CEP120: variants seen among roughly 807,000 people sequenced by gnomAD.
CEP120 encodes the protein centrosomal protein 120.
A neutral mutation model predicts 126.5 loss-of-function variants in CEP120; 113 were observed. The observed-to-expected ratio is 0.89, with a 90% CI of 0.77 to 1.04. The LOEUF (loss-of-function observed/expected upper bound fraction) is 1.04. Ranked by LOEUF, CEP120 falls within the 50% of genes least tolerant of loss-of-function variation. The pLI is 0.00. For synonymous variants in CEP120, 400 were observed against 394.3 expected (o/e 1.01, Z -0.17); for missense variants, 1,230 against 1,155.7 (o/e 1.06, Z -0.93).
intron 4 of CEP120, chr5:123,402,259 GC>G: frequency 6.7e-7 from 1 of 1,488,774 alleles, no homozygotes. Context: ...TGGGCACCGG[GC>G]CCACTTGTGT....
intron 3 of CEP120, among the ~76,000 whole-genome samples, chr5:123,415,320 A>C (rs1441680493): frequency 6.6e-6 from 1 of 152,182 alleles, no homozygotes; most frequent in African/African-American, 2.4e-5. Flanking sequence ...GAAAAGGAAA[A>C]ATGTCAAGGA....
In CEP120 at chr5:123,391,256, T is replaced by C. The variant is rs1346560152; in HGVS notation, c.892A>G (p.Ile298Val). The C allele has an allele frequency of 1.9e-6, 3 of 1,614,192 alleles. No individual in the cohort carries two copies. Among genetic ancestry groups the C allele is most frequent in the East Asian group, 2.2e-5 (1 of 44,876 alleles). ...TCGACTGTGACTGGGTGCTGGTTGATTTCTGTACTGCCCTTTTTAAGTAAT... is the reference window on the plus strand; with the variant it reads ...TCGACTGTGACTGGGTGCTGGTTGACTTCTGTACTGCCCTTTTTAAGTAAT... ...TGLLKKGSTE[I>V]NQHPVTVEGA... is the part of the protein sequence containing the mutation. The change falls in exon 7 of 20, where the codon ATC becomes GTC. Residue 298 changes from isoleucine (I) to valine (V), a missense_variant. Ile to Val is a conservative substitution (Grantham distance 29). Transcript: ENST00000306467.
In CEP120 at chr5:123,364,497, T is replaced by C. The variant is rs28369320; in HGVS notation, c.2579A>G (p.Gln860Arg). The C allele has an allele frequency of 6.3e-7, 1 of 1,595,310 alleles. No individual in the cohort carries two copies. The highest frequency in any genetic ancestry group is 1.1e-5 in the South Asian group (1 of 89,846). ...AAGAATAAGCTATAAACTACATACC[T>C]GTTTAAGTCTGGCAAGTTCTTTCAA... ...RALKELARLKQREQESQMARL... is the reference protein window; with the variant it reads ...RALKELARLKRREQESQMARL... Residue 860 changes from glutamine (Q) to arginine (R), a missense_variant and splice_region_variant, in exon 18 of 20, where the codon CAG becomes CGG. Transcript: ENST00000306467.
intron 9 of CEP120, 61 bp from the exon 10 acceptor site, chr5:123,386,728 TCA>T (rs1772055858): frequency 8.1e-7 from 1 of 1,238,452 alleles, no homozygotes; most frequent in Admixed American, 3.2e-5. Context: ...CAGATGACAT[TCA>T]GTCTGTTTTT....
intron 17 of CEP120, among the ~76,000 whole-genome samples, chr5:123,371,210 G>A (rs190014344): frequency 5.3e-4 from 81 of 151,960 alleles, no homozygotes; most frequent in Admixed American, 3.9e-3. Context: ...CTGTTTTCAC[G>A]CTGCTGATAA....
chr5:123,362,286 C>A (rs375089095), intron 18 of CEP120, among the ~76,000 whole-genome samples: 1 of 151,840 alleles, frequency 6.6e-6, no homozygotes, highest in Non-Finnish European at 1.5e-5. Context: ...ATGACCCCTA[C>A]CTCAGTACTC....
intron 8 of CEP120, among the ~76,000 whole-genome samples, 168 bp from the exon 9 acceptor site, chr5:123,388,774 CA>C: frequency 6.6e-6 from 1 of 152,296 alleles, no homozygotes. Context: ...GTAACTCACA[CA>C]AAAATAACCC....
chr5:123,345,861 T>C lies in CEP120; in HGVS notation c.*658A>G, dbSNP rs1369554413. 2 of 152,162 alleles carry C rather than the reference T, an allele frequency of 1.3e-5. No homozygotes were observed. Among genetic ancestry groups the C allele is most frequent in the African/African-American group, 2.4e-5 (1 of 41,448 alleles). 9.4% of individuals were successfully genotyped at this position (152,162 alleles called of 1,614,324 possible). Reference sequence around the variant, plus strand: ...AGGAAGAAACCAACAGAGAAAACTATATTAAGCTAATACTTCATGTTCTTA... The same window carrying C: ...AGGAAGAAACCAACAGAGAAAACTACATTAAGCTAATACTTCATGTTCTTA... On this transcript the variant is annotated 3_prime_UTR_variant, in exon 20 of 20. Coordinates refer to ENST00000306467, the MANE Select transcript of CEP120 (RefSeq NM_001375405.1).
chr5:123,366,145 C>T (rs980966433), intron 17 of CEP120, among the ~76,000 whole-genome samples: 7 of 151,808 alleles, frequency 4.6e-5, no homozygotes, highest in African/African-American at 9.6e-5. Context: ...CCCAAATCAA[C>T]GATTCCTAAC....
chr5:123,407,408 T>C (rs1773769448), intron 4 of CEP120, among the ~76,000 whole-genome samples: 1 of 152,166 alleles, frequency 6.6e-6, no homozygotes, highest in African/African-American at 2.4e-5. Flanking sequence ...TTAAAAGCTA[T>C]ACTAATCAAA....
At position 123,356,301 on chromosome 5, in the gene CEP120, T is replaced by C. The variant is rs532226446; in HGVS notation, c.2581-6212A>G. ...TTCCATATGAACTTTAAAGTAGTTT[T>C]TTCCAATTCTGTGAAGAAAGTCATT... On this transcript the variant is annotated intron_variant, in intron 18 of 19. Transcript: ENST00000306467. 4.6e-5 allele frequency among the ~76,000 whole-genome samples: 7 copies of C among 152,252 alleles called. No homozygotes were observed. In the East Asian group the frequency reaches 1.4e-3, roughly 29 times the overall value.
chr5:123,375,960 A>C (rs143215351), intron 16 of CEP120, among the ~76,000 whole-genome samples: 43 of 152,114 alleles, frequency 2.8e-4, no homozygotes, highest in African/African-American at 9.9e-4. Context: ...GAATTTTTCA[A>C]GAAAGATAAG....
At chr5:123,386,021 G>A (rs980465851) in intron 10 of CEP120, among the ~76,000 whole-genome samples, 4 of 151,958 alleles carry the variant, frequency 2.6e-5, no homozygotes, top group African/African-American at 9.7e-5. Flanking sequence ...GTATAAATTT[G>A]AATTGTGATA....
chr5:123,405,505 T>C (rs557876507), intron 4 of CEP120, among the ~76,000 whole-genome samples: 1 of 152,328 alleles, frequency 6.6e-6, no homozygotes, highest in South Asian at 2.1e-4. Context: ...TATCAGAGCC[T>C]AACTGACCAG....
At chr5:123,402,404 A>T (rs1773319647) in intron 4 of CEP120, 1 of 1,283,024 alleles carries the variant, frequency 7.8e-7, no homozygotes, top group Non-Finnish European at 1.0e-6. Context: ...AGGAGCGGAG[A>T]AGCTGCTTCT....
chr5:123,357,571 A>C (rs1269016847), intron 18 of CEP120, among the ~76,000 whole-genome samples: 1 of 152,130 alleles, frequency 6.6e-6, no homozygotes, highest in Non-Finnish European at 1.5e-5. Context: ...TCCACAGATG[A>C]AGAAATGTAA....
At chr5:123,361,621 A>C (rs1770081707) in intron 18 of CEP120, among the ~76,000 whole-genome samples, 1 of 151,788 alleles carries the variant, frequency 6.6e-6, no homozygotes, top group Non-Finnish European at 1.5e-5. Context: ...ATCACTGCAT[A>C]ACAATATCCC....
Position 123,388,850 on chromosome 5 carries a change from G to A in CEP120, c.1256-244C>T, listed in dbSNP as rs117482818. On this transcript the variant is annotated intron_variant, in intron 8 of 19. Transcript: ENST00000306467. ...CTTACTCTCAATACATATAGAAAAC[G>A]TACAGAACCAATAGAGAAATATACA... 2.1e-3 allele frequency among the ~76,000 whole-genome samples: 316 copies of A among 152,194 alleles called. 8 individuals are homozygous for A. The East Asian group carries it at 0.054, about 26-fold the overall frequency.
intron 4 of CEP120, among the ~76,000 whole-genome samples, chr5:123,410,916 CAT>C (rs1418467756): frequency 2.0e-5 from 3 of 152,146 alleles, no homozygotes; most frequent in African/African-American, 7.2e-5. Flanking sequence ...ACTGGGAAAA[CAT>C]ATTTGTAAAA....
Sources: allele counts gnomAD v4.1 joint callset (sites outside exome capture counted in the v4.1 genomes callset), GRCh38; gene constraint gnomAD v4.1.1; transcripts MANE v1.5; gene names NCBI Gene and HGNC (gene_info 2026-07-23, HGNC 2026-07-21).